PDE7B: variants seen among roughly 807,000 people sequenced by gnomAD.
PDE7B encodes 3',5'-cyclic-AMP phosphodiesterase 7B.
In PDE7B, 29 loss-of-function variants were observed where a neutral mutation model predicts 56.2. That is an observed-to-expected ratio of 0.52 (90% CI 0.38 to 0.70). The LOEUF (loss-of-function observed/expected upper bound fraction) is 0.70. PDE7B is among the 30% of genes least tolerant of loss of function. The pLI is 0.00. For missense variants in PDE7B, 490 were observed against 565.0 expected, an observed-to-expected ratio of 0.87 and a Z score of 1.35; for synonymous variants, 197 against 196.9, an observed-to-expected ratio of 1.00 and a Z score of 0.00.
chr6:136,062,694 A>C (rs1402622348), intron 2 of PDE7B, among the ~76,000 whole-genome samples: 1 of 152,198 alleles, frequency 6.6e-6, no homozygotes, highest in African/African-American at 2.4e-5. Flanking sequence ...TAGGGTCCTG[A>C]AAGATCCCTT....
intron 2 of PDE7B, among the ~76,000 whole-genome samples, chr6:135,989,956 A>G (rs1199808425): frequency 6.6e-6 from 1 of 152,150 alleles, no homozygotes; most frequent in Non-Finnish European, 1.5e-5. Context: ...CTTTTATGGA[A>G]CCCTTATGGG....
At chr6:135,951,008 A>G (rs2128200009) in intron 2 of PDE7B, among the ~76,000 whole-genome samples, 1 of 152,330 alleles carries the variant, frequency 6.6e-6, no homozygotes, top group East Asian at 1.9e-4. Context: ...TCAAGAGAAT[A>G]GCTCATGTTG....
chr6:135,983,284 G>A (rs1256523598), intron 2 of PDE7B, among the ~76,000 whole-genome samples: 1 of 152,150 alleles, frequency 6.6e-6, no homozygotes, highest in Non-Finnish European at 1.5e-5. Flanking sequence ...CCTACCATGG[G>A]CTGAACTGAC....
chr6:136,067,796 T>C (rs1776971744), intron 2 of PDE7B, among the ~76,000 whole-genome samples: 1 of 152,212 alleles, frequency 6.6e-6, no homozygotes, highest in East Asian at 1.9e-4. Context: ...ACCTTGTGGA[T>C]CGCTAATTGG....
At chr6:136,052,720 T>C (rs938245810) in intron 2 of PDE7B, among the ~76,000 whole-genome samples, 3 of 147,188 alleles carry the variant, frequency 2.0e-5, no homozygotes, top group Non-Finnish European at 4.4e-5. Context: ...TAAGAAGCAA[T>C]GCTTCCTTTT....
intron 2 of PDE7B, among the ~76,000 whole-genome samples, chr6:136,086,443 G>A (rs1777293642): frequency 6.6e-6 from 1 of 151,690 alleles, no homozygotes; most frequent in East Asian, 1.9e-4. Flanking sequence ...ACAGAGGGAG[G>A]GGGGCTCCAA....
chr6:136,059,695 C>G (rs1400338324), intron 2 of PDE7B, among the ~76,000 whole-genome samples: 1 of 152,158 alleles, frequency 6.6e-6, no homozygotes, highest in Admixed American at 6.5e-5. Flanking sequence ...AAAGTCTACT[C>G]GATTAATCTC....
At chr6:135,880,750 G>T (rs1775593344) in intron 1 of PDE7B, among the ~76,000 whole-genome samples, 1 of 152,142 alleles carries the variant, frequency 6.6e-6, no homozygotes, top group African/African-American at 2.4e-5. Flanking sequence ...TTCAGCAAAG[G>T]GGATTTCAAA....
rs1400400472 is a variant in PDE7B, at chr6:136,025,113, T to C, written c.82+77589T>C. ...ATTTTGCAACACCAAATATCCCTTC[T>C]GAGGTTTCCCAAAAATGCTGTGGCA... On this transcript the variant is annotated intron_variant, in intron 2 of 12. Transcript: ENST00000308191. 2.6e-5 allele frequency among the ~76,000 whole-genome samples: 4 copies of C among 152,218 alleles called. No individual in the cohort carries two copies. In the East Asian group the frequency reaches 5.8e-4, roughly 22 times the overall value.
intron 3 of PDE7B, among the ~76,000 whole-genome samples, chr6:136,109,866 G>A (rs1008539252): frequency 2.0e-5 from 3 of 152,154 alleles, no homozygotes; most frequent in Non-Finnish European, 4.4e-5. Flanking sequence ...GGTTTTCAGT[G>A]TTTGGTTCTC....
chr6:136,072,436 T>G (rs1393437978), intron 2 of PDE7B: 3 of 152,258 alleles, frequency 2.0e-5, no homozygotes, highest in Non-Finnish European at 4.4e-5. Context: ...GCGATCCTCC[T>G]GCCCTGGCCT....
intron 8 of PDE7B, among the ~76,000 whole-genome samples, chr6:136,171,791 C>T: frequency 8.1e-6 from 1 of 123,480 alleles, no homozygotes; most frequent in South Asian, 3.3e-4. Context: ...TCCCCCCTCC[C>T]CCGACCCCAC....
intron 2 of PDE7B, among the ~76,000 whole-genome samples, chr6:135,959,746 G>A (rs2128201217): frequency 6.7e-6 from 1 of 150,008 alleles, no homozygotes; most frequent in African/African-American, 2.4e-5. Flanking sequence ...CAGACATTTG[G>A]AATATCACAG....
At chr6:136,005,335 A>C (rs987964575) in intron 2 of PDE7B, among the ~76,000 whole-genome samples, 2 of 152,200 alleles carry the variant, frequency 1.3e-5, no homozygotes, top group African/African-American at 4.8e-5. Context: ...AATGGCAACA[A>C]AAGCCAAAAT....
At position 136,151,710 on chromosome 6, in the gene PDE7B, C is replaced by T. The variant is rs551138068; in HGVS notation, c.478+455C>T. Among the ~76,000 whole-genome samples, 5 of 152,142 alleles carry T rather than the reference C, an allele frequency of 3.3e-5. No homozygotes were observed. In the South Asian group the frequency reaches 6.2e-4, roughly 19 times the overall value. Reference sequence around the variant, plus strand: ...GAATCCTAGCACTTTGGGAGGCGGGCGTATCACAAGGTCAGGAGTTCGAGA... The same window carrying T: ...GAATCCTAGCACTTTGGGAGGCGGGTGTATCACAAGGTCAGGAGTTCGAGA... On this transcript the variant is annotated intron_variant, in intron 6 of 12. Coordinates refer to ENST00000308191, the MANE Select transcript of PDE7B (RefSeq NM_018945.4).
intron 3 of PDE7B, among the ~76,000 whole-genome samples, chr6:136,142,905 A>G (rs537287458): frequency 3.7e-4 from 56 of 152,124 alleles, no homozygotes; most frequent in African/African-American, 1.2e-3. Flanking sequence ...TCTTTATCCA[A>G]TTTGCCAGTC....
At position 135,852,144 on chromosome 6, in the gene PDE7B, T is replaced by C. The variant is rs867663214; in HGVS notation, c.21+125T>C. The C allele has an allele frequency of 3.6e-5, 26 of 722,154 alleles. 1 individual carries two copies. The Middle Eastern group carries it at 3.5e-3, about 98-fold the overall frequency. The allele number at this position is 722,154 out of a possible 1,614,324, so 44.7% of individuals were successfully genotyped here. On this transcript the variant is annotated intron_variant, in intron 1 of 12. Transcript: ENST00000308191. ...TATGTTTTTTGTCTGTGATTGTTACTACAGCAACCAGCTTTTGAATTTCCT... is the reference window on the plus strand; with the variant it reads ...TATGTTTTTTGTCTGTGATTGTTACCACAGCAACCAGCTTTTGAATTTCCT...
In PDE7B at chr6:135,893,404, T is replaced by C. The variant is rs530371102; in HGVS notation, c.21+41385T>C. On this transcript the variant is annotated intron_variant, in intron 1 of 12. Coordinates refer to ENST00000308191, the MANE Select transcript of PDE7B (RefSeq NM_018945.4). ...CCCTACAAAGGACATGAACTCATCA[T>C]TTTTTATGGCTGCATAGTATTCCAT... Among the ~76,000 whole-genome samples, 524 of 152,192 alleles carry C rather than the reference T, an allele frequency of 3.4e-3. 13 individuals are homozygous for C. The highest frequency in any genetic ancestry group is 8.5e-4 in the Non-Finnish European group (58 of 67,988).
chr6:135,997,824 G>A (rs948167709), intron 2 of PDE7B, among the ~76,000 whole-genome samples: 4 of 152,146 alleles, frequency 2.6e-5, no homozygotes, highest in African/African-American at 7.2e-5. Context: ...GATAAGACTC[G>A]AAAGATAACA....
Sources: allele counts gnomAD v4.1 joint callset (sites outside exome capture counted in the v4.1 genomes callset), GRCh38; gene constraint gnomAD v4.1.1; transcripts MANE v1.5; gene names NCBI Gene and HGNC (gene_info 2026-07-23, HGNC 2026-07-21).